The following POLN variants were observed in gnomAD, a reference collection of about 807,000 sequenced individuals.
POLN encodes DNA polymerase N.
Under a neutral mutation model 113.5 loss-of-function variants are expected in POLN, and 108 were observed. The observed-to-expected ratio is 0.95, with a 90% CI of 0.81 to 1.12. POLN has a LOEUF of 1.12. POLN is among the 50% of genes most tolerant of loss of function. The pLI is 0.00. For missense variants in POLN, 1,097 were observed against 1,077.1 expected, an observed-to-expected ratio of 1.02 and a Z score of -0.26; for synonymous variants, 386 against 391.5, an observed-to-expected ratio of 0.99 and a Z score of 0.17.
intron 20 of POLN, chr4:2,088,875 G>A (rs868108202): frequency 3.4e-5 from 50 of 1,451,616 alleles, no homozygotes; most frequent in South Asian, 7.7e-5. Flanking sequence ...TCAAGGGTGC[G>A]TCGCTTGCAG....
chr4:2,092,550 C>T (rs992647795), intron 20 of POLN, among the ~76,000 whole-genome samples: 1 of 152,216 alleles, frequency 6.6e-6, no homozygotes, highest in Non-Finnish European at 1.5e-5. Flanking sequence ...CCCACGGTGG[C>T]TGCGGGGACT....
intron 6 of POLN, among the ~76,000 whole-genome samples, chr4:2,197,628 A>T (rs1329476679): frequency 6.6e-6 from 1 of 152,240 alleles, no homozygotes; most frequent in East Asian, 1.9e-4. Context: ...GGCTCTCCAT[A>T]CACTAGACCT....
rs568957796 is a variant in POLN at position 2,080,347 on chromosome 4, T to G, written c.2387+611A>C. The G allele has an allele frequency of 2.5e-5, 24 of 972,558 alleles. No individual in the cohort carries two copies. The East Asian group carries it at 2.9e-3, about 118-fold the overall frequency. The allele number at this position is 972,558 out of a possible 1,614,324, so 60.2% of individuals were successfully genotyped here. ...ACAGAGGCCTGAGAGAGCTGTGGCC[T>G]GGGGGGCAGCCAGGGCGGAGCCCCC... On this transcript the variant is annotated intron_variant, in intron 23 of 25. Coordinates refer to ENST00000511885, the MANE Select transcript of POLN (RefSeq NM_181808.4).
At chr4:2,238,543 C>T (rs893358000) in intron 2 of POLN, 251 of 1,142,696 alleles carry the variant, frequency 2.2e-4, no homozygotes, top group Admixed American at 4.1e-4. Context: ...CTCAAACTCT[C>T]TCTAGTATTT....
At chr4:2,111,546 A>C (rs1731193788) in intron 19 of POLN, among the ~76,000 whole-genome samples, 2 of 152,234 alleles carry the variant, frequency 1.3e-5, no homozygotes, top group Non-Finnish European at 2.9e-5. Context: ...GCAAAGTCTC[A>C]GGATACAAAA....
At chr4:2,177,630 C>T (rs1733028555) in intron 8 of POLN, among the ~76,000 whole-genome samples, 1 of 152,346 alleles carries the variant, frequency 6.6e-6, no homozygotes, top group Middle Eastern at 3.4e-3. Context: ...GGGCAAGGCA[C>T]ATGTACGTTA....
At chr4:2,179,159 A>T (rs1202773145) in intron 8 of POLN, 149 bp downstream of exon 8, 1 of 777,158 alleles carries the variant, frequency 1.3e-6, no homozygotes, top group African/African-American at 1.8e-5. Context: ...TCCACCAGAA[A>T]TGCCAAGGTC....
At chr4:2,164,258 T>A (rs910403606) in intron 13 of POLN, among the ~76,000 whole-genome samples, 5 of 152,064 alleles carry the variant, frequency 3.3e-5, no homozygotes, top group Admixed American at 6.6e-5. Context: ...TCCCAGCACT[T>A]TGGGAGGCAG....
At chr4:2,219,885 G>T (rs183008102) in intron 3 of POLN, among the ~76,000 whole-genome samples, 10 of 152,260 alleles carry the variant, frequency 6.6e-5, no homozygotes, top group Middle Eastern at 3.4e-3. Context: ...TCATCGGGTT[G>T]TCAAATCCAG....
Position 2,198,606 on chromosome 4 carries a change from A to G in POLN, c.826T>C (p.Ser276Pro), listed in dbSNP as rs763698271. 3 of 1,613,996 alleles carry G rather than the reference A, an allele frequency of 1.9e-6. No individual in the cohort carries two copies. Among genetic ancestry groups the G allele is most frequent in the Non-Finnish European group, 2.5e-6 (3 of 1,180,010 alleles). The change falls in exon 6 of 26, where the codon TCA (serine) becomes CCA (proline). Residue 276 changes from serine to proline, a missense_variant. By Grantham distance (74) the Ser-to-Pro change is moderately conservative. Coordinates refer to ENST00000511885, the MANE Select transcript of POLN (RefSeq NM_181808.4). The stretch of plus-strand genomic sequence containing the variant: ...TGAATGTAGATGCATGGATCATCTG[A>G]CACAAAGCCCTCCAGAACAGGACCA... ...ACGPVLEGFV[S>P]DDPCIYIQIE...
chr4:2,122,789 T>G (rs1228214277), intron 19 of POLN, among the ~76,000 whole-genome samples: 1 of 152,146 alleles, frequency 6.6e-6, no homozygotes, highest in Admixed American at 6.5e-5. Context: ...AACATAGAAT[T>G]ATTTTATGAC....
intron 12 of POLN, 140 bp downstream of exon 12, chr4:2,170,958 G>A: frequency 1.1e-6 from 1 of 870,974 alleles, no homozygotes; most frequent in Non-Finnish European, 1.8e-6. Flanking sequence ...ATCTCAATGT[G>A]TTCATTACTT....
intron 2 of POLN, chr4:2,240,031 T>C (rs761194299): frequency 2.5e-6 from 4 of 1,605,616 alleles, no homozygotes; most frequent in African/African-American, 2.7e-5. Flanking sequence ...TCATTTCTTA[T>C]GCTTACCTTG....
chr4:2,157,583 C>T (rs1022694497), intron 15 of POLN, among the ~76,000 whole-genome samples: 2 of 151,730 alleles, frequency 1.3e-5, no homozygotes, highest in African/African-American at 2.4e-5. Flanking sequence ...ATTAGCTGGG[C>T]GTGGTGGCGG....
intron 11 of POLN, among the ~76,000 whole-genome samples, chr4:2,172,976 C>T (rs570926001): frequency 3.3e-5 from 5 of 152,344 alleles, no homozygotes; most frequent in South Asian, 4.1e-4. Flanking sequence ...CACTGAGTGA[C>T]ACACAGAAAC....
intron 19 of POLN, among the ~76,000 whole-genome samples, chr4:2,110,440 T>C (rs1286556688): frequency 6.6e-6 from 1 of 152,118 alleles, no homozygotes; most frequent in Non-Finnish European, 1.5e-5. Context: ...AAAAAATGAA[T>C]GAATCCAGGA....
At chr4:2,123,169 G>GAAACCAAACC (rs112587303) in intron 19 of POLN, among the ~76,000 whole-genome samples, 11 of 151,984 alleles carry the variant, frequency 7.2e-5, no homozygotes, top group East Asian at 5.8e-4. Flanking sequence ...TCTTATCTCA[G>GAAACCAAACC]AAACCAAACC....
chr4:2,124,994 G>T (rs1577707685), intron 19 of POLN, among the ~76,000 whole-genome samples: 1 of 152,194 alleles, frequency 6.6e-6, no homozygotes, highest in Non-Finnish European at 1.5e-5. Context: ...AATAAATGAG[G>T]TCTTCAACCA....
Position 2,095,907 on chromosome 4 carries a change from G to A in POLN, c.2009C>T (p.Thr670Ile), listed in dbSNP as rs1320774991. 1 of 1,614,180 alleles carries A rather than the reference G, an allele frequency of 6.2e-7. No individual in the cohort carries two copies. The highest frequency in any genetic ancestry group is 1.1e-5 in the South Asian group (1 of 91,086). Residue 670 changes from threonine (T) to isoleucine (I), a missense_variant, in exon 20 of 26, where the codon ACA becomes ATA. Physicochemically the swap from Thr to Ile is moderately conservative, Grantham distance 89. Transcript: ENST00000511885. ...CTTGGTTTGCTCTCTGTCTGCGTGT[G>A]TCACCTGTTCCACGGGCACATCCTT... ...QWKDVPVEQV[T>I]HADREQTKKV...
Sources: gnomAD v4.1 joint callset for allele counts (sites outside exome capture counted in the v4.1 genomes callset) on GRCh38, gnomAD v4.1.1 for gene constraint, MANE v1.5 for transcripts, NCBI Gene and HGNC (gene_info 2026-07-23, HGNC 2026-07-21) for gene names.